The following RPS6KC1 variants were observed in gnomAD, a reference collection of about 807,000 sequenced individuals.
RPS6KC1 encodes inactive ribosomal protein S6 kinase delta-1.
Under a neutral mutation model 103.8 loss-of-function variants are expected in RPS6KC1, and 54 were observed. The observed-to-expected ratio is 0.52, with a 90% CI of 0.42 to 0.65. The LOEUF (loss-of-function observed/expected upper bound fraction) is 0.65. Among genes scored for constraint, RPS6KC1 ranks in the 30% least tolerant of loss-of-function variants. The pLI is 0.00. For missense variants in RPS6KC1, 1,151 were observed against 1,253.8 expected, an observed-to-expected ratio of 0.92 and a Z score of 1.24; for synonymous variants, 439 against 438.7, an observed-to-expected ratio of 1.00 and a Z score of -0.01.
chr1:213,675,882 AT>A, the RPS6KC1 span, among the ~76,000 whole-genome samples: 150,665 of 152,114 alleles, frequency 0.99, 74,623 homozygotes, highest in Middle Eastern at 1. Context: ...GTCTGAAAGA[AT>A]TTTTTTTAAA....
intron 6 of RPS6KC1, among the ~76,000 whole-genome samples, chr1:213,141,410 G>A (rs1285119892): frequency 6.6e-6 from 1 of 151,992 alleles, no homozygotes; most frequent in Non-Finnish European, 1.5e-5. Flanking sequence ...TGTGCATAGA[G>A]GTGTTGGTAA....
the RPS6KC1 span, among the ~76,000 whole-genome samples, chr1:213,284,585 TAAA>T: frequency 6.6e-6 from 1 of 151,722 alleles, no homozygotes; most frequent in African/African-American, 2.4e-5. Flanking sequence ...AAAAGGAATT[TAAA>T]AAATTTTTTA....
At chr1:213,277,784 C>T (rs909619639), downstream of RPS6KC1, among the ~76,000 whole-genome samples, 7 of 152,212 alleles carry the variant, frequency 4.6e-5, no homozygotes, top group Admixed American at 1.3e-4. Flanking sequence ...AGGAATGCCT[C>T]TTTAATGTGG....
chr1:213,195,061 G>A (rs2092892010), intron 8 of RPS6KC1, among the ~76,000 whole-genome samples: 1 of 152,140 alleles, frequency 6.6e-6, no homozygotes, highest in Admixed American at 6.5e-5. Context: ...AGGGATAGCA[G>A]CAGGGAGAGG....
At chr1:213,734,636 A>T in the RPS6KC1 span, among the ~76,000 whole-genome samples, 1 of 152,226 alleles carries the variant, frequency 6.6e-6, no homozygotes, top group Non-Finnish European at 1.5e-5. Flanking sequence ...AAATGCCAAA[A>T]TATGCTTGTG....
At chr1:213,154,588 A>G (rs1030721881) in intron 6 of RPS6KC1, among the ~76,000 whole-genome samples, 5 of 152,218 alleles carry the variant, frequency 3.3e-5, no homozygotes, top group African/African-American at 1.2e-4. Context: ...CTTAAGTCCC[A>G]GGATCTCTTA....
intron 14 of RPS6KC1, among the ~76,000 whole-genome samples, chr1:213,268,587 AATATAT>A (rs2094966232): frequency 2.7e-5 from 4 of 147,984 alleles, no homozygotes; most frequent in African/African-American, 7.3e-5. Context: ...TGTATATATA[AATATAT>A]ATTTTTTATT....
At chr1:213,122,801 T>A (rs1467341816) in intron 5 of RPS6KC1, among the ~76,000 whole-genome samples, 1 of 152,124 alleles carries the variant, frequency 6.6e-6, no homozygotes. Context: ...TTATTTTTAT[T>A]CCCTGCCCCC....
At chr1:213,609,407 G>A in the RPS6KC1 span, among the ~76,000 whole-genome samples, 2 of 152,094 alleles carry the variant, frequency 1.3e-5, no homozygotes, top group Non-Finnish European at 2.9e-5. Context: ...ACCATGAGAG[G>A]TTTGTGTTGC....
chr1:213,092,524 AG>A (rs71147059), intron 3 of RPS6KC1, among the ~76,000 whole-genome samples: 152,155 of 152,156 alleles, frequency 1, 76,077 homozygotes, highest in Non-Finnish European at 1. Flanking sequence ...ACGAAAAATT[AG>A]GCCGGGCATG....
chr1:213,729,507 A>G, the RPS6KC1 span, among the ~76,000 whole-genome samples: 4 of 152,144 alleles, frequency 2.6e-5, no homozygotes, highest in Admixed American at 1.3e-4. Context: ...AAACTGGCCA[A>G]GATCATCTTA....
At chr1:213,074,938 C>T (rs2079187369) in intron 2 of RPS6KC1, among the ~76,000 whole-genome samples, 4 of 141,476 alleles carry the variant, frequency 2.8e-5, no homozygotes, top group South Asian at 2.5e-4. Flanking sequence ...CTGCAAACTC[C>T]GCCTCCCGGG....
the RPS6KC1 span, among the ~76,000 whole-genome samples, chr1:213,589,938 G>GGGGTGTGTGTGTGTGTGTGT: frequency 2.3e-5 from 3 of 132,732 alleles, no homozygotes; most frequent in African/African-American, 9.5e-5. Context: ...AAAAGGTAGT[G>GGGGTGTGTGTGTGTGTGTGT]GTGTGTGTGT....
chr1:213,771,730 G>A, the RPS6KC1 span, among the ~76,000 whole-genome samples: 1 of 152,168 alleles, frequency 6.6e-6, no homozygotes, highest in Non-Finnish European at 1.5e-5. Context: ...AGAACGTCAG[G>A]AAGCTGACAA....
chr1:213,135,191 C>A (rs959082929), intron 6 of RPS6KC1, among the ~76,000 whole-genome samples: 3 of 151,800 alleles, frequency 2.0e-5, no homozygotes, highest in Non-Finnish European at 4.4e-5. Context: ...TGCTTTTTTT[C>A]TTCTTTGTTC....
chr1:213,486,260 A>C, the RPS6KC1 span, among the ~76,000 whole-genome samples: 1 of 152,232 alleles, frequency 6.6e-6, no homozygotes, highest in Admixed American at 6.5e-5. Context: ...TATTAAAACA[A>C]GACAGGATTT....
intron 1 of RPS6KC1, among the ~76,000 whole-genome samples, chr1:213,052,912 G>A (rs920676403): frequency 6.6e-6 from 1 of 152,176 alleles, no homozygotes; most frequent in African/African-American, 2.4e-5. Context: ...TGGAAATGGT[G>A]CACAATTCAG....
chr1:213,500,478 G>A, the RPS6KC1 span, among the ~76,000 whole-genome samples: 49 of 152,238 alleles, frequency 3.2e-4, no homozygotes, highest in South Asian at 9.3e-3. Context: ...TTAAAATAGT[G>A]ATAAAAAGAA....
At chr1:213,463,709 T>G in the RPS6KC1 span, among the ~76,000 whole-genome samples, 1 of 152,178 alleles carries the variant, frequency 6.6e-6, no homozygotes, top group African/African-American at 2.4e-5. Context: ...AATTTTATGC[T>G]GAGTTTTTGG....
Sources: allele counts gnomAD v4.1 joint callset (sites outside exome capture counted in the v4.1 genomes callset), GRCh38; gene constraint gnomAD v4.1.1; transcripts MANE v1.5; gene names NCBI Gene and HGNC (gene_info 2026-07-23, HGNC 2026-07-21).